The following TEX264 variants were observed in gnomAD, a reference collection of about 807,000 sequenced individuals.
The protein encoded by TEX264 is testis expressed 264, ER-phagy receptor.
A neutral mutation model predicts 23.4 loss-of-function variants in TEX264; 13 were observed. That is an observed-to-expected ratio of 0.56 (90% CI 0.36 to 0.88). The LOEUF is 0.88. Ranked by LOEUF, TEX264 falls within the 40% of genes least tolerant of loss-of-function variation. TEX264 has a pLI of 0.01. For synonymous variants in TEX264, 159 were observed against 170.0 expected, an observed-to-expected ratio of 0.94 and a Z score of 0.50; for missense variants, 340 against 406.8, an observed-to-expected ratio of 0.84 and a Z score of 1.41.
At chr3:51,697,378 G>A (rs1375466767) in intron 3 of TEX264, among the ~76,000 whole-genome samples, 2 of 152,172 alleles carry the variant, frequency 1.3e-5, no homozygotes, top group Non-Finnish European at 2.9e-5. Flanking sequence ...GTGTTGAGAG[G>A]GGTTGGGCTA....
intron 3 of TEX264, among the ~76,000 whole-genome samples, chr3:51,693,987 TTTCCTTCCTTCCTTCC>T (rs60768031): frequency 0.062 from 4,797 of 77,744 alleles, 180 homozygotes; most frequent in South Asian, 0.088. Flanking sequence ...AATCCCTTTC[TTTCCTTCCTTCCTTCC>T]TTCCTTCCTT....
chr3:51,673,607 G>T (rs1018656150), intron 1 of TEX264, among the ~76,000 whole-genome samples: 2 of 152,224 alleles, frequency 1.3e-5, no homozygotes, highest in Non-Finnish European at 2.9e-5. Flanking sequence ...TGTTCTGCCT[G>T]CTCAGGCCGC....
chr3:51,694,623 G>A (rs1294356292), intron 3 of TEX264: 1 of 152,262 alleles, frequency 6.6e-6, no homozygotes, highest in Non-Finnish European at 1.5e-5. Flanking sequence ...CCAGAGGGAA[G>A]CTACCGATTT....
intron 3 of TEX264, among the ~76,000 whole-genome samples, chr3:51,697,875 C>T (rs1383922697): frequency 2.0e-5 from 3 of 152,200 alleles, no homozygotes; most frequent in Admixed American, 2.0e-4. Context: ...ATGGAGGAAG[C>T]CCCGAGGGCA....
At chr3:51,702,197 C>A (rs561328264) in intron 4 of TEX264, among the ~76,000 whole-genome samples, 28 of 152,270 alleles carry the variant, frequency 1.8e-4, no homozygotes, top group Admixed American at 1.4e-3. Flanking sequence ...TTGCTCTTTT[C>A]AGGCCTGCGG....
chr3:51,703,249 T>G lies in TEX264; in HGVS notation c.650-475T>G, dbSNP rs1703381121. ...TGCAGAGGGGCCTCCTGCTGCATTCTGCAGTCCTCGTGCCCTGTGGGTGAT... is the reference window on the plus strand; with the variant it reads ...TGCAGAGGGGCCTCCTGCTGCATTCGGCAGTCCTCGTGCCCTGTGGGTGAT... On this transcript the variant is annotated intron_variant, in intron 4 of 4. Coordinates refer to ENST00000341333, the MANE Select transcript of TEX264 (RefSeq NM_015926.6). This position sits in a 1 kb window ranked among gnomAD's most constrained non-coding sequence, Gnocchi z 4.8. Among the ~76,000 whole-genome samples the G allele has an allele frequency of 6.6e-6, 1 of 152,220 alleles. No homozygotes were observed.
intron 2 of TEX264, among the ~76,000 whole-genome samples, chr3:51,679,798 G>A (rs926569051): frequency 3.9e-5 from 6 of 152,184 alleles, no homozygotes; most frequent in African/African-American, 1.4e-4. Flanking sequence ...TCACCTTTGA[G>A]GGCTGGTATC....
At chr3:51,671,823 A>T (rs932746879) in intron 1 of TEX264, 1 of 152,238 alleles carries the variant, frequency 6.6e-6, no homozygotes, top group South Asian at 2.1e-4. Flanking sequence ...GGGCCGTTTA[A>T]GGGCCCGGCC....
chr3:51,679,153 A>G (rs979334903), intron 2 of TEX264, among the ~76,000 whole-genome samples: 3 of 152,112 alleles, frequency 2.0e-5, no homozygotes, highest in Admixed American at 6.5e-5. Context: ...CTGCTAACCA[A>G]TGTGTGACTT....
rs1056666177 is a variant in TEX264, at chr3:51,684,521, T to A, written c.367T>A (p.Phe123Ile). 14 of 1,614,046 alleles carry A rather than the reference T, an allele frequency of 8.7e-6. No individual in the cohort carries two copies. The highest frequency in any genetic ancestry group is 1.3e-5 in the African/African-American group (1 of 74,918). Reference protein sequence around the residue: ...DLYQKFGFKVFSFPAPSHVVT... With the variant: ...DLYQKFGFKVISFPAPSHVVT... ...CTACCAGAAATTTGGCTTCAAGGTG[T>A]TCTCCTTCCCGGCACCCAGCCATGT... The change falls in exon 3 of 5, where the codon TTC (phenylalanine) becomes ATC (isoleucine). Residue 123 changes from phenylalanine (F) to isoleucine (I), a missense_variant. Physicochemically the swap from Phe to Ile is conservative, Grantham distance 21. Transcript: ENST00000341333.
intron 2 of TEX264, chr3:51,682,574 A>G (rs540096615): frequency 4.0e-4 from 61 of 152,284 alleles, no homozygotes; most frequent in Admixed American, 3.9e-3. Flanking sequence ...AACCACAATT[A>G]TGGGGCATTT....
At chr3:51,695,513 G>T (rs1171764818) in intron 3 of TEX264, among the ~76,000 whole-genome samples, 2 of 152,194 alleles carry the variant, frequency 1.3e-5, no homozygotes, top group Non-Finnish European at 2.9e-5. Context: ...CACTAAATGA[G>T]GATAGTTCAG....
chr3:51,673,658 G>GCTC (rs1702129380), intron 1 of TEX264, among the ~76,000 whole-genome samples: 1 of 152,212 alleles, frequency 6.6e-6, no homozygotes, highest in Admixed American at 6.5e-5. Flanking sequence ...GGGTAAGCTT[G>GCTC]CTGGATAGCA....
Position 51,703,652 on chromosome 3 carries a change from C to G in TEX264, c.650-72C>G. On this transcript the variant is annotated intron_variant, in intron 4 of 4. Transcript: ENST00000341333. The surrounding 1 kb of genome is among the most constrained non-coding windows in gnomAD (Gnocchi z 4.8). ...GCATTATTCATGAGTGCACTGCGTG[C>G]TGAGTTGCCTCTCCCTGGAGGAGGG... The G allele has an allele frequency of 6.7e-7, 1 of 1,483,150 alleles. No individual in the cohort carries two copies. The highest frequency in any genetic ancestry group is 9.1e-7 in the Non-Finnish European group (1 of 1,097,474). 91.9% of individuals were successfully genotyped at this position (1,483,150 alleles called of 1,614,324 possible).
chr3:51,684,146 A>G (rs543487700), intron 2 of TEX264: 2 of 493,134 alleles, frequency 4.1e-6, no homozygotes, highest in African/African-American at 1.9e-5. Context: ...GACCAAGTCT[A>G]ACCCCTCACT....
At chr3:51,702,963 A>G (rs957326574) in intron 4 of TEX264, among the ~76,000 whole-genome samples, 3 of 152,132 alleles carry the variant, frequency 2.0e-5, no homozygotes, top group African/African-American at 7.2e-5. Flanking sequence ...CCCTTTTGCT[A>G]TCTTGTGGCT....
chr3:51,703,486 C>G lies in TEX264; in HGVS notation c.650-238C>G, dbSNP rs996269303. 6.6e-6 allele frequency among the ~76,000 whole-genome samples: 1 copy of G among 151,928 alleles called. No homozygotes were observed. Among genetic ancestry groups the G allele is most frequent in the Non-Finnish European group, 1.5e-5 (1 of 67,982 alleles). ...GAGTGGGGAGAAGAGTGCACAGCTGCCTCCTCCCACCCTCTCTCCCTCCCT... is the reference window on the plus strand; with the variant it reads ...GAGTGGGGAGAAGAGTGCACAGCTGGCTCCTCCCACCCTCTCTCCCTCCCT... On this transcript the variant is annotated intron_variant, in intron 4 of 4. Coordinates refer to ENST00000341333, the MANE Select transcript of TEX264 (RefSeq NM_015926.6). This position sits in a 1 kb window ranked among gnomAD's most constrained non-coding sequence, Gnocchi z 4.8.
At chr3:51,683,896 T>G in intron 2 of TEX264, 1 of 161,204 alleles carries the variant, frequency 6.2e-6, no homozygotes, top group Non-Finnish European at 1.4e-5. Flanking sequence ...CCTGCCATAA[T>G]TTCTCTGCCT....
At chr3:51,677,268 T>C (rs1235565739) in intron 2 of TEX264, among the ~76,000 whole-genome samples, 7 of 152,138 alleles carry the variant, frequency 4.6e-5, no homozygotes, top group Non-Finnish European at 8.8e-5. Context: ...TAGGGTACCA[T>C]GGGGACCAGG....
Sources: gnomAD v4.1 joint callset for allele counts (sites outside exome capture counted in the v4.1 genomes callset) on GRCh38, gnomAD v4.1.1 for gene constraint, Gnocchi (gnomAD v3.1) non-coding constraint, MANE v1.5 for transcripts, NCBI Gene and HGNC (gene_info 2026-07-23, HGNC 2026-07-21) for gene names.